The following SDHAF4 variants were observed in gnomAD, a reference collection of about 807,000 sequenced individuals.
SDHAF4 encodes succinate dehydrogenase assembly factor 4, mitochondrial.
SDHAF4 carries 14 observed loss-of-function variants against 14.3 expected under a neutral mutation model. The observed-to-expected ratio is 0.98, with a 90% CI of 0.65 to 1.53. The LOEUF (loss-of-function observed/expected upper bound fraction) is 1.53. Ranked by LOEUF, SDHAF4 falls within the 40% of genes most tolerant of loss-of-function variation. The pLI is 0.00. For missense variants in SDHAF4, 141 were observed against 129.3 expected, an observed-to-expected ratio of 1.09 and a Z score of -0.44; for synonymous variants, 63 against 47.3, an observed-to-expected ratio of 1.33 and a Z score of -1.36.
chr6:70,585,765 A>T (rs1354895396), intron 2 of SDHAF4, among the ~76,000 whole-genome samples: 1 of 152,262 alleles, frequency 6.6e-6, no homozygotes, highest in Non-Finnish European at 1.5e-5. Flanking sequence ...TCACAATATA[A>T]CAAGAATAAA....
intron 1 of SDHAF4, among the ~76,000 whole-genome samples, chr6:70,568,851 T>C (rs1400426748): frequency 6.6e-6 from 1 of 152,150 alleles, no homozygotes. Flanking sequence ...AATTTTTGGC[T>C]GCCTACAGGG....
intron 1 of SDHAF4, among the ~76,000 whole-genome samples, chr6:70,569,400 C>T (rs961767772): frequency 6.6e-5 from 10 of 152,150 alleles, no homozygotes; most frequent in Non-Finnish European, 1.2e-4. Context: ...TCCCAAGTAG[C>T]TGGTATTACA....
At chr6:70,570,580 G>A (rs962768433) in intron 1 of SDHAF4, among the ~76,000 whole-genome samples, 5 of 151,794 alleles carry the variant, frequency 3.3e-5, no homozygotes, top group Non-Finnish European at 7.4e-5. Flanking sequence ...GATTACAGGC[G>A]AGAGCCACCG....
At chr6:70,592,450 GT>G (rs1562060566), downstream of SDHAF4, among the ~76,000 whole-genome samples, 1 of 152,180 alleles carries the variant, frequency 6.6e-6, no homozygotes, top group African/African-American at 2.4e-5. Context: ...TTCTGATGAG[GT>G]TTCAGATGGA....
At chr6:70,578,367 T>C (rs1343853146) in intron 1 of SDHAF4, among the ~76,000 whole-genome samples, 1 of 152,128 alleles carries the variant, frequency 6.6e-6, no homozygotes, top group African/African-American at 2.4e-5. Flanking sequence ...GCCGCTTATA[T>C]GTCTTCTTTT....
At chr6:70,580,544 A>G (rs1006655888) in intron 2 of SDHAF4, among the ~76,000 whole-genome samples, 3 of 152,244 alleles carry the variant, frequency 2.0e-5, no homozygotes, top group African/African-American at 7.2e-5. Flanking sequence ...TCATAGTATT[A>G]TTAACAGTAG....
In SDHAF4 at chr6:70,566,957, T is replaced by C; in HGVS notation, c.17T>C (p.Leu6Pro). 1 of 1,590,930 alleles carries C rather than the reference T, an allele frequency of 6.3e-7. No homozygotes were observed. The highest frequency in any genetic ancestry group is 1.1e-5 in the South Asian group (1 of 87,158). The change falls in exon 1 of 3, where the codon CTT (leucine) becomes CCT (proline). Residue 6 changes from leucine (L) to proline (P), a missense_variant. Physicochemically the swap from Leu to Pro is moderately conservative, Grantham distance 98 (BLOSUM62 -3). Transcript: ENST00000370474. ...GTCGGCGCCATGACCCCATCGAGGC[T>C]TCCCTGGTTGCTTAGCTGGGTCTCG... Reference protein sequence around the residue: MTPSRLPWLLSWVSAT... With the variant: MTPSRPPWLLSWVSAT...
At chr6:70,593,453 C>T (rs950734291), downstream of SDHAF4, among the ~76,000 whole-genome samples, 1 of 152,208 alleles carries the variant, frequency 6.6e-6, no homozygotes, top group Admixed American at 6.5e-5. Context: ...CACTCTGGAG[C>T]CGCAGGGGCA....
chr6:70,587,228 G>A (rs1006475718), intron 2 of SDHAF4, among the ~76,000 whole-genome samples: 64 of 150,378 alleles, frequency 4.3e-4, no homozygotes, highest in African/African-American at 1.3e-3. Context: ...AGTGGCTCAC[G>A]CCTGTAATCC....
chr6:70,581,447 C>T (rs1317818404), intron 2 of SDHAF4, among the ~76,000 whole-genome samples: 4 of 152,198 alleles, frequency 2.6e-5, no homozygotes, highest in Non-Finnish European at 4.4e-5. Flanking sequence ...TTCTGACAAA[C>T]ATCACCAAAT....
chr6:70,585,147 C>T (rs1259770917), intron 2 of SDHAF4, among the ~76,000 whole-genome samples: 2 of 152,100 alleles, frequency 1.3e-5, no homozygotes, highest in Admixed American at 6.5e-5. Flanking sequence ...CTCTAACCCC[C>T]CAGGTGATGG....
chr6:70,595,070 C>T, the SDHAF4 span, among the ~76,000 whole-genome samples: 1 of 152,024 alleles, frequency 6.6e-6, no homozygotes, highest in Admixed American at 6.6e-5. Flanking sequence ...CTCAAAACCT[C>T]GTACCCTGTG....
At chr6:70,568,668 T>C (rs1482279536) in intron 1 of SDHAF4, among the ~76,000 whole-genome samples, 1 of 152,208 alleles carries the variant, frequency 6.6e-6, no homozygotes, top group Non-Finnish European at 1.5e-5. Context: ...ATTTGTGCAT[T>C]AGTGGAAGGA....
At chr6:70,592,028 G>A (rs557959028), downstream of SDHAF4, among the ~76,000 whole-genome samples, 3 of 152,252 alleles carry the variant, frequency 2.0e-5, no homozygotes, top group South Asian at 6.2e-4. Context: ...CAGCCAACTT[G>A]CCATGTGATG....
intron 1 of SDHAF4, among the ~76,000 whole-genome samples, chr6:70,568,347 G>C (rs1488333596): frequency 3.9e-5 from 6 of 152,138 alleles, no homozygotes; most frequent in Non-Finnish European, 7.3e-5. Context: ...TGTAAGCTAT[G>C]AAGCACAACC....
chr6:70,581,311 T>TA (rs58007634), intron 2 of SDHAF4, among the ~76,000 whole-genome samples: 34,103 of 148,850 alleles, frequency 0.23, 4,248 homozygotes, highest in African/African-American at 0.34. Context: ...TTTACCACAG[T>TA]AAAAAAAAAA....
intron 1 of SDHAF4, among the ~76,000 whole-genome samples, chr6:70,576,302 C>T (rs1432301248): frequency 4.6e-5 from 7 of 152,226 alleles, no homozygotes; most frequent in East Asian, 1.9e-4. Context: ...ATGTTTCCAA[C>T]GGCCTCAGAG....
At chr6:70,588,213 C>G (rs1765225132) in intron 2 of SDHAF4, among the ~76,000 whole-genome samples, 1 of 152,178 alleles carries the variant, frequency 6.6e-6, no homozygotes, top group Non-Finnish European at 1.5e-5. Flanking sequence ...AGCCTATCAG[C>G]AACGCTGTCT....
At position 70,579,775 on chromosome 6, in the gene SDHAF4, G is replaced by T. The variant is rs185367025; in HGVS notation, c.217+209G>T. Among the ~76,000 whole-genome samples the T allele has an allele frequency of 5.6e-3, 853 of 152,216 alleles. 3 individuals carry two copies. Among genetic ancestry groups the T allele is most frequent in the Non-Finnish European group, 8.2e-3 (558 of 67,978 alleles). Reference sequence around the variant, plus strand: ...ATTTTCAAGATTCTGACAGGTATTTGATTGTGTTTGTTTTATTTGTTATAC... The same window carrying T: ...ATTTTCAAGATTCTGACAGGTATTTTATTGTGTTTGTTTTATTTGTTATAC... On this transcript the variant is annotated intron_variant, in intron 2 of 2. Coordinates refer to ENST00000370474, the MANE Select transcript of SDHAF4 (RefSeq NM_145267.3).
Sources: allele counts gnomAD v4.1 joint callset (sites outside exome capture counted in the v4.1 genomes callset), GRCh38; gene constraint gnomAD v4.1.1; transcripts MANE v1.5; gene names NCBI Gene and HGNC (gene_info 2026-07-23, HGNC 2026-07-21).